CADM2: variants seen among roughly 807,000 people sequenced by gnomAD.
CADM2 encodes cell adhesion molecule 2.
CADM2 carries 12 observed loss-of-function variants against 49.8 expected under a neutral mutation model. That is an observed-to-expected ratio of 0.24 (90% CI 0.15 to 0.39). The LOEUF (loss-of-function observed/expected upper bound fraction) is 0.39. Among genes scored for constraint, CADM2 ranks in the 10% least tolerant of loss-of-function variants. The pLI is 1.00. For synonymous variants in CADM2, 214 were observed against 175.4 expected (o/e 1.22, Z -1.74); for missense variants, 378 against 492.3 (o/e 0.77, Z 2.20).
At chr3:84,970,010 C>T (rs1245735834) in intron 1 of CADM2, among the ~76,000 whole-genome samples, 1 of 148,782 alleles carries the variant, frequency 6.7e-6, no homozygotes, top group African/African-American at 2.5e-5. Context: ...TACAAGCTGA[C>T]CTTGATCCAC....
At chr3:85,036,932 G>T (rs116021253) in intron 1 of CADM2, among the ~76,000 whole-genome samples, 1 of 149,486 alleles carries the variant, frequency 6.7e-6, no homozygotes, top group African/African-American at 2.5e-5. Context: ...CAGGTGGATC[G>T]CCTGAGGTCA....
At chr3:85,086,542 C>T (rs1012993614) in intron 1 of CADM2, among the ~76,000 whole-genome samples, 4 of 137,458 alleles carry the variant, frequency 2.9e-5, no homozygotes, top group Non-Finnish European at 6.1e-5. Context: ...GATGGAGTCT[C>T]GCTTTGTTGC....
At chr3:85,433,552 T>G (rs538515180) in intron 1 of CADM2, among the ~76,000 whole-genome samples, 1 of 152,220 alleles carries the variant, frequency 6.6e-6, no homozygotes, top group South Asian at 2.1e-4. Context: ...ATTGGAGAAG[T>G]AGGGGTTATT....
At chr3:85,062,914 A>C (rs2036387723) in intron 1 of CADM2, among the ~76,000 whole-genome samples, 1 of 150,678 alleles carries the variant, frequency 6.6e-6, no homozygotes, top group South Asian at 2.1e-4. Flanking sequence ...GCTGTGAATC[A>C]ATTATGAATT....
intron 3 of CADM2, among the ~76,000 whole-genome samples, chr3:85,814,424 A>T (rs1372438263): frequency 6.6e-6 from 1 of 152,156 alleles, no homozygotes; most frequent in South Asian, 2.1e-4. Flanking sequence ...AGCAGGAAAG[A>T]TCTAAAATTG....
chr3:85,674,802 A>G (rs1001801009), intron 1 of CADM2, among the ~76,000 whole-genome samples: 32 of 152,130 alleles, frequency 2.1e-4, no homozygotes, highest in African/African-American at 7.7e-4. Flanking sequence ...TTCCTGGTGA[A>G]AAGCAGCTCT....
In CADM2 at chr3:86,071,923, A is replaced by C. The variant is rs1420892973; in HGVS notation, c.*5140A>C. 3 of 151,990 alleles carry C rather than the reference A, an allele frequency of 2.0e-5. No homozygotes were observed. Among genetic ancestry groups the C allele is most frequent in the Non-Finnish European group, 4.4e-5 (3 of 67,890 alleles). 9.4% of individuals were successfully genotyped at this position (151,990 alleles called of 1,614,324 possible). On this transcript the variant is annotated 3_prime_UTR_variant, in exon 10 of 10. Coordinates refer to ENST00000383699, the MANE Select transcript of CADM2 (RefSeq NM_001167675.2). ...TTTTAAAATGTAACAATTTCTTATA[A>C]ATTCATGCTGTGTTTTAAGTAAAAA...
At chr3:84,983,611 C>T (rs1024297572) in intron 1 of CADM2, among the ~76,000 whole-genome samples, 4 of 151,868 alleles carry the variant, frequency 2.6e-5, no homozygotes, top group African/African-American at 4.8e-5. Context: ...TGGAGCCAAG[C>T]GGGGAATTAG....
intron 1 of CADM2, among the ~76,000 whole-genome samples, chr3:85,374,195 C>T (rs763108336): frequency 2.7e-4 from 41 of 152,180 alleles, no homozygotes; most frequent in Non-Finnish European, 4.7e-4. Context: ...AATGTGAATG[C>T]TTTTAGGAGC....
intron 1 of CADM2, among the ~76,000 whole-genome samples, chr3:84,984,044 T>TACACAC (rs1432825851): frequency 2.8e-4 from 28 of 100,198 alleles, no homozygotes; most frequent in South Asian, 5.8e-4. Context: ...TATATATATA[T>TACACAC]ATATACACAC....
intron 1 of CADM2, among the ~76,000 whole-genome samples, chr3:85,159,233 G>T (rs2040239606): frequency 1.3e-5 from 2 of 152,134 alleles, no homozygotes; most frequent in Admixed American, 1.3e-4. Context: ...CAGCTGTTAT[G>T]CCCACTGAGC....
At chr3:85,597,012 C>T (rs945364168) in intron 1 of CADM2, among the ~76,000 whole-genome samples, 5 of 152,006 alleles carry the variant, frequency 3.3e-5, no homozygotes, top group African/African-American at 7.2e-5. Flanking sequence ...CCATGGCAGC[C>T]GGCCTTGAAT....
chr3:85,345,248 A>G (rs890221874), intron 1 of CADM2, among the ~76,000 whole-genome samples: 28 of 126,494 alleles, frequency 2.2e-4, no homozygotes, highest in African/African-American at 8.0e-4. Context: ...CGGGAGGCAG[A>G]GGCTGCAATG....
intron 1 of CADM2, among the ~76,000 whole-genome samples, chr3:85,338,335 T>G (rs2045147033): frequency 6.6e-6 from 1 of 151,634 alleles, no homozygotes; most frequent in African/African-American, 2.4e-5. Context: ...TAATAACTGG[T>G]TAATCCAATC....
At chr3:85,128,224 G>T (rs1193885380) in intron 1 of CADM2, among the ~76,000 whole-genome samples, 14 of 152,148 alleles carry the variant, frequency 9.2e-5, no homozygotes, top group Non-Finnish European at 1.3e-4. Flanking sequence ...CATCAAGTAA[G>T]ACGCTTTTTA....
chr3:85,999,266 A>AGC (rs1559791795), intron 8 of CADM2, among the ~76,000 whole-genome samples: 15 of 104,396 alleles, frequency 1.4e-4, no homozygotes, highest in East Asian at 1.0e-3. Context: ...TGGGAGGCCG[A>AGC]GGGTTGGGGG....
At chr3:85,366,860 C>A (rs2032823686) in intron 1 of CADM2, among the ~76,000 whole-genome samples, 2 of 151,890 alleles carry the variant, frequency 1.3e-5, no homozygotes, top group South Asian at 4.1e-4. Flanking sequence ...TACCAAATAG[C>A]ATATATAATG....
At chr3:85,539,895 T>C (rs1225626519) in intron 1 of CADM2, among the ~76,000 whole-genome samples, 1 of 152,146 alleles carries the variant, frequency 6.6e-6, no homozygotes, top group East Asian at 1.9e-4. Context: ...CCTCTGTGAC[T>C]GCAAAGTAGA....
intron 1 of CADM2, among the ~76,000 whole-genome samples, chr3:85,463,074 C>A (rs2038320996): frequency 6.6e-6 from 1 of 152,096 alleles, no homozygotes; most frequent in African/African-American, 2.4e-5. Context: ...AGCCATATGA[C>A]CGCTTAGATT....
Sources: gnomAD v4.1 joint callset for allele counts (sites outside exome capture counted in the v4.1 genomes callset) on GRCh38, gnomAD v4.1.1 for gene constraint, MANE v1.5 for transcripts, NCBI Gene and HGNC (gene_info 2026-07-23, HGNC 2026-07-21) for gene names.